AGBL1: variants seen among roughly 807,000 people sequenced by gnomAD.
AGBL1 encodes AGBL carboxypeptidase 1.
A neutral mutation model predicts 118.9 loss-of-function variants in AGBL1; 130 were observed. That is an observed-to-expected ratio of 1.09 (90% CI 0.95 to 1.26). AGBL1 has a LOEUF of 1.26. Among genes scored for constraint, AGBL1 ranks in the 50% most tolerant of loss-of-function variants. AGBL1 has a pLI of 0.00. For missense variants in AGBL1, 1,584 were observed against 1,298.1 expected (o/e 1.22, Z -3.38); for synonymous variants, 555 against 478.9 (o/e 1.16, Z -2.08).
chr15:86,779,819 C>T (rs2078306978), intron 22 of AGBL1, among the ~76,000 whole-genome samples: 1 of 151,888 alleles, frequency 6.6e-6, no homozygotes, highest in Non-Finnish European at 1.5e-5. Flanking sequence ...ATTTGAGTCT[C>T]TTCTTTTGTG....
chr15:86,500,732 A>G (rs955195978), intron 18 of AGBL1, among the ~76,000 whole-genome samples: 3 of 151,882 alleles, frequency 2.0e-5, no homozygotes, highest in African/African-American at 7.2e-5. Context: ...GGTGTTTCAT[A>G]TAAATGGTAT....
chr15:86,182,614 C>G (rs1048811006), intron 5 of AGBL1, among the ~76,000 whole-genome samples: 2 of 152,036 alleles, frequency 1.3e-5, no homozygotes, highest in Non-Finnish European at 2.9e-5. Flanking sequence ...AAGAAGTTAC[C>G]CCTTGAATAT....
At chr15:86,411,805 T>C (rs909164747) in intron 18 of AGBL1, among the ~76,000 whole-genome samples, 1 of 152,122 alleles carries the variant, frequency 6.6e-6, no homozygotes, top group Admixed American at 6.6e-5. Flanking sequence ...GTAATTACAA[T>C]AAATAAAAAA....
At chr15:86,177,676 T>C (rs879568799) in intron 5 of AGBL1, among the ~76,000 whole-genome samples, 5 of 152,170 alleles carry the variant, frequency 3.3e-5, no homozygotes, top group Non-Finnish European at 7.3e-5. Context: ...AATTAAATAA[T>C]GTACTTCTAA....
At chr15:86,735,085 T>A (rs201999564) in intron 22 of AGBL1, among the ~76,000 whole-genome samples, 15 of 84,330 alleles carry the variant, frequency 1.8e-4, no homozygotes, top group South Asian at 9.9e-4. Context: ...TAATAATAAT[T>A]ATTATTATTA....
At chr15:86,314,410 A>T (rs554014649) in intron 17 of AGBL1, among the ~76,000 whole-genome samples, 1 of 152,286 alleles carries the variant, frequency 6.6e-6, no homozygotes, top group South Asian at 2.1e-4. Flanking sequence ...AATTCACATT[A>T]AAAAAGGGCA....
At chr15:86,318,812 G>C (rs1303324440) in intron 17 of AGBL1, among the ~76,000 whole-genome samples, 2 of 146,648 alleles carry the variant, frequency 1.4e-5, no homozygotes, top group African/African-American at 5.1e-5. Context: ...GTAAAGGTCT[G>C]TTTGTGGTTT....
chr15:86,852,826 G>C (rs1342047943), intron 22 of AGBL1, among the ~76,000 whole-genome samples: 1 of 152,184 alleles, frequency 6.6e-6, no homozygotes, highest in Non-Finnish European at 1.5e-5. Flanking sequence ...GCAAAGGTTT[G>C]AAGCAGTGGC....
chr15:86,273,889 A>C (rs865787161), intron 15 of AGBL1, among the ~76,000 whole-genome samples: 1 of 152,170 alleles, frequency 6.6e-6, no homozygotes, highest in Admixed American at 6.5e-5. Flanking sequence ...TTGCATTTGC[A>C]TTTTCTTTCA....
chr15:86,835,331 G>T (rs910521890), intron 22 of AGBL1, among the ~76,000 whole-genome samples: 5 of 152,018 alleles, frequency 3.3e-5, no homozygotes, highest in African/African-American at 1.2e-4. Context: ...AAAACAGTTG[G>T]GATGGTAAAA....
chr15:86,346,338 C>CTTTTA (rs2080536367), intron 17 of AGBL1, among the ~76,000 whole-genome samples: 2 of 150,614 alleles, frequency 1.3e-5, no homozygotes, highest in South Asian at 2.1e-4. Context: ...CTCATTCTTT[C>CTTTTA]TTTTCTTTTC....
intron 24 of AGBL1, among the ~76,000 whole-genome samples, chr15:87,019,490 A>G (rs1383146254): frequency 6.6e-6 from 1 of 152,100 alleles, no homozygotes; most frequent in African/African-American, 2.4e-5. Flanking sequence ...ATATAACTAC[A>G]TGGAAATTGA....
At chr15:86,350,966 A>G (rs573874244) in intron 17 of AGBL1, among the ~76,000 whole-genome samples, 25 of 152,380 alleles carry the variant, frequency 1.6e-4, no homozygotes, top group African/African-American at 5.8e-4. Context: ...GTGATACCCA[A>G]GAGAATACTT....
At chr15:86,635,260 C>CCTT (rs1567094892) in intron 21 of AGBL1, among the ~76,000 whole-genome samples, 15 of 88,590 alleles carry the variant, frequency 1.7e-4, no homozygotes, top group East Asian at 1.5e-3. Flanking sequence ...TCCTCCCCCT[C>CCTT]CCCCTCCTCC....
At chr15:86,866,338 C>T (rs1416368969) in intron 22 of AGBL1, among the ~76,000 whole-genome samples, 1 of 152,120 alleles carries the variant, frequency 6.6e-6, no homozygotes, top group African/African-American at 2.4e-5. Context: ...CCATTGATGG[C>T]CTGAGCCATA....
At chr15:86,688,411 A>G (rs186104870) in intron 22 of AGBL1, among the ~76,000 whole-genome samples, 5 of 152,242 alleles carry the variant, frequency 3.3e-5, no homozygotes, top group East Asian at 3.9e-4. Context: ...TTAAAATGCA[A>G]TTCTGAAATC....
At chr15:86,645,957 T>A (rs2142481175) in intron 21 of AGBL1, among the ~76,000 whole-genome samples, 1 of 152,332 alleles carries the variant, frequency 6.6e-6, no homozygotes, top group South Asian at 2.1e-4. Context: ...TAAGCTTGAC[T>A]TCTGACCACA....
intron 3 of AGBL1, among the ~76,000 whole-genome samples, chr15:86,147,601 C>T (rs534722245): frequency 9.2e-5 from 14 of 152,168 alleles, no homozygotes; most frequent in South Asian, 6.2e-4. Flanking sequence ...TAAACAAAGC[C>T]GGGAAGCTCC....
chr15:86,460,228 T>C (rs1285717721), intron 18 of AGBL1, among the ~76,000 whole-genome samples: 1 of 143,232 alleles, frequency 7.0e-6, no homozygotes, highest in Non-Finnish European at 1.5e-5. Context: ...ACACCTATCA[T>C]CTCAGCACTT....
Sources: gnomAD v4.1 joint callset for allele counts (sites outside exome capture counted in the v4.1 genomes callset) on GRCh38, gnomAD v4.1.1 for gene constraint, MANE v1.5 for transcripts, NCBI Gene and HGNC (gene_info 2026-07-23, HGNC 2026-07-21) for gene names.